SEMA3E: variants seen among roughly 807,000 people sequenced by gnomAD.
SEMA3E encodes the protein semaphorin-3E.
SEMA3E carries 49 observed loss-of-function variants against 93.6 expected under a neutral mutation model. The observed-to-expected ratio is 0.52, with a 90% CI of 0.42 to 0.66. The LOEUF (loss-of-function observed/expected upper bound fraction) is 0.66. SEMA3E is among the 30% of genes least tolerant of loss of function. The pLI is 0.00. For synonymous variants in SEMA3E, 363 were observed against 330.7 expected, an observed-to-expected ratio of 1.10 and a Z score of -1.06; for missense variants, 906 against 964.8, an observed-to-expected ratio of 0.94 and a Z score of 0.81.
At chr7:83,619,058 T>G (rs1040717113) in intron 1 of SEMA3E, among the ~76,000 whole-genome samples, 3 of 151,904 alleles carry the variant, frequency 2.0e-5, no homozygotes. Context: ...CTATAACTCC[T>G]TCTGTTAAAA....
At chr7:83,376,470 T>G (rs1794824254) in intron 16 of SEMA3E, among the ~76,000 whole-genome samples, 1 of 152,048 alleles carries the variant, frequency 6.6e-6, no homozygotes, top group South Asian at 2.1e-4. Flanking sequence ...ATCAATAAAA[T>G]TATGTTTTAT....
chr7:83,468,548 A>G (rs1176443868), intron 3 of SEMA3E, among the ~76,000 whole-genome samples: 1 of 149,438 alleles, frequency 6.7e-6, no homozygotes, highest in Non-Finnish European at 1.5e-5. Context: ...AGTCATTTAT[A>G]TAGTTTTTTT....
Position 83,367,922 on chromosome 7 carries a change from C to G in SEMA3E, c.1992G>C (p.Thr664=), listed in dbSNP as rs753319647. 5 of 1,611,322 alleles carry G rather than the reference C, an allele frequency of 3.1e-6. No homozygotes were observed. The highest frequency in any genetic ancestry group is 4.2e-6 in the Non-Finnish European group (5 of 1,178,574). Residue 664 remains threonine, a synonymous_variant, in exon 17 of 17, where the codon ACG becomes ACC. Transcript: ENST00000643230. The part of the protein sequence containing the change: ...CQTVEHSFVH[T]VRKITLEVVE... Reference sequence around the variant, plus strand: ...CTACCTCCAAGGTGATTTTACGGACCGTATGGACAAAGCTATGCTCTACTG... The same window carrying G: ...CTACCTCCAAGGTGATTTTACGGACGGTATGGACAAAGCTATGCTCTACTG...
intron 4 of SEMA3E, among the ~76,000 whole-genome samples, chr7:83,455,502 T>C (rs1246138077): frequency 6.6e-6 from 1 of 152,186 alleles, no homozygotes; most frequent in African/African-American, 2.4e-5. Context: ...ACATGTAAGA[T>C]ATGGAAAGAA....
At chr7:83,416,611 T>A (rs1788545900) in intron 5 of SEMA3E, among the ~76,000 whole-genome samples, 1 of 152,124 alleles carries the variant, frequency 6.6e-6, no homozygotes, top group Non-Finnish European at 1.5e-5. Context: ...ATGATTCTTA[T>A]GAATAATATT....
At chr7:83,442,846 T>C (rs1039616937) in intron 4 of SEMA3E, among the ~76,000 whole-genome samples, 3 of 152,148 alleles carry the variant, frequency 2.0e-5, no homozygotes, top group Middle Eastern at 3.2e-3. Flanking sequence ...CTCTGTCAGG[T>C]AGAAGTATTT....
At chr7:83,561,892 G>T (rs1339258713) in intron 1 of SEMA3E, among the ~76,000 whole-genome samples, 1 of 152,068 alleles carries the variant, frequency 6.6e-6, no homozygotes, top group Non-Finnish European at 1.5e-5. Context: ...AATATCTAAA[G>T]ATTGAGTTTT....
intron 1 of SEMA3E, among the ~76,000 whole-genome samples, chr7:83,645,956 G>T (rs1185877140): frequency 6.6e-6 from 1 of 151,882 alleles, no homozygotes; most frequent in Non-Finnish European, 1.5e-5. Flanking sequence ...GAAACAATAG[G>T]CTTGTGTTTT....
intron 3 of SEMA3E, among the ~76,000 whole-genome samples, chr7:83,467,746 G>C (rs1171968251): frequency 6.6e-6 from 1 of 152,144 alleles, no homozygotes; most frequent in African/African-American, 2.4e-5. Flanking sequence ...GTCAACACTG[G>C]TATTCAACTC....
At chr7:83,534,901 T>A (rs1411677433) in intron 1 of SEMA3E, among the ~76,000 whole-genome samples, 2 of 152,192 alleles carry the variant, frequency 1.3e-5, no homozygotes, top group Non-Finnish European at 1.5e-5. Flanking sequence ...AAATCATGAA[T>A]GGTATTCCAA....
Position 83,476,321 on chromosome 7 carries a change from G to A in SEMA3E, c.277-7019C>T, listed in dbSNP as rs140442869. On this transcript the variant is annotated intron_variant, in intron 2 of 16. Coordinates refer to ENST00000643230, the MANE Select transcript of SEMA3E (RefSeq NM_012431.3). The stretch of plus-strand genomic sequence containing the variant: ...ACAAGTAAAATTTTCCAGTTTAATC[G>A]GAAGGAAATACTGTAGGATTTTAGC... Among the ~76,000 whole-genome samples the A allele has an allele frequency of 1.6e-4, 25 of 152,154 alleles. No individual in the cohort carries two copies. In the East Asian group the frequency reaches 2.3e-3, roughly 14 times the overall value.
intron 1 of SEMA3E, among the ~76,000 whole-genome samples, chr7:83,619,904 C>CAGACAGACAGACAGACAGATAGATAGAT (rs71522672): frequency 4.7e-5 from 7 of 148,040 alleles, no homozygotes; most frequent in Non-Finnish European, 8.9e-5. Context: ...GATAGATAGA[C>CAGACAGACAGACAGACAGATAGATAGAT]AGATAGATAG....
chr7:83,593,024 C>T (rs1395168673), intron 1 of SEMA3E, among the ~76,000 whole-genome samples: 1 of 151,958 alleles, frequency 6.6e-6, no homozygotes, highest in Non-Finnish European at 1.5e-5. Flanking sequence ...ACAATTACAG[C>T]TCACTGCAGC....
intron 1 of SEMA3E, among the ~76,000 whole-genome samples, chr7:83,558,713 A>G (rs1220813242): frequency 2.6e-5 from 4 of 152,080 alleles, no homozygotes; most frequent in Admixed American, 6.6e-5. Flanking sequence ...CCACAATAAA[A>G]TGAGATAATA....
chr7:83,495,913 G>A (rs1790481655), intron 1 of SEMA3E, among the ~76,000 whole-genome samples: 1 of 151,828 alleles, frequency 6.6e-6, no homozygotes, highest in Non-Finnish European at 1.5e-5. Flanking sequence ...TAAGTAAAAG[G>A]GGAAGATGTA....
intron 2 of SEMA3E, among the ~76,000 whole-genome samples, chr7:83,482,581 A>AAG (rs1356131729): frequency 1.5e-5 from 2 of 129,636 alleles, no homozygotes; most frequent in Non-Finnish European, 3.4e-5. Flanking sequence ...AAAAAAAAAA[A>AAG]AAAAAAATTT....
intron 16 of SEMA3E, among the ~76,000 whole-genome samples, chr7:83,379,341 A>T (rs574791964): frequency 6.6e-6 from 1 of 151,878 alleles, no homozygotes; most frequent in South Asian, 2.1e-4. Context: ...CAGAGTCACC[A>T]CTATGCAATG....
chr7:83,544,551 C>A (rs1791605916), intron 1 of SEMA3E, among the ~76,000 whole-genome samples: 1 of 152,092 alleles, frequency 6.6e-6, no homozygotes, highest in South Asian at 2.1e-4. Context: ...CACATGTATG[C>A]TTTTTCCTAA....
intron 1 of SEMA3E, among the ~76,000 whole-genome samples, chr7:83,610,832 C>A (rs1035731086): frequency 1.3e-5 from 2 of 152,104 alleles, no homozygotes; most frequent in Non-Finnish European, 2.9e-5. Flanking sequence ...GTAACTAGAT[C>A]TCAGGCTTAC....
Sources: gnomAD v4.1 joint callset for allele counts (sites outside exome capture counted in the v4.1 genomes callset) on GRCh38, gnomAD v4.1.1 for gene constraint, MANE v1.5 for transcripts, NCBI Gene and HGNC (gene_info 2026-07-23, HGNC 2026-07-21) for gene names.